The following SSBP2 variants were observed in gnomAD, a reference collection of about 807,000 sequenced individuals.
SSBP2 encodes the protein single stranded DNA binding protein 2, also known as single-stranded DNA-binding protein 2.
A neutral mutation model predicts 61.8 loss-of-function variants in SSBP2; 17 were observed. The observed-to-expected ratio is 0.28, with a 90% CI of 0.19 to 0.41. The LOEUF is 0.41. Among genes scored for constraint, SSBP2 ranks in the 10% least tolerant of loss-of-function variants. SSBP2 has a pLI of 1.00. For missense variants in SSBP2, 310 were observed against 458.7 expected, an observed-to-expected ratio of 0.68 and a Z score of 2.96; for synonymous variants, 139 against 141.3, an observed-to-expected ratio of 0.98 and a Z score of 0.12.
intron 5 of SSBP2, among the ~76,000 whole-genome samples, chr5:81,499,447 C>G (rs1006421136): frequency 9.9e-5 from 15 of 152,160 alleles, no homozygotes; most frequent in African/African-American, 3.6e-4. Context: ...TGTGTAGCAA[C>G]AGACAGTGGG....
intron 9 of SSBP2, among the ~76,000 whole-genome samples, chr5:81,464,588 T>A (rs553716592): frequency 3.5e-4 from 54 of 152,252 alleles, no homozygotes; most frequent in African/African-American, 1.2e-3. Context: ...TAGTCTTTAA[T>A]TACTTTAGTG....
At chr5:81,565,350 C>T (rs1773342027) in intron 4 of SSBP2, among the ~76,000 whole-genome samples, 1 of 151,954 alleles carries the variant, frequency 6.6e-6, no homozygotes, top group Non-Finnish European at 1.5e-5. Context: ...ACATATAGAA[C>T]ATAAAAAAAA....
At chr5:81,625,687 G>C (rs544537891) in intron 3 of SSBP2, among the ~76,000 whole-genome samples, 4 of 151,566 alleles carry the variant, frequency 2.6e-5, no homozygotes, top group Non-Finnish European at 4.4e-5. Flanking sequence ...ACCAAACACT[G>C]TATCTCCCTC....
chr5:81,557,606 T>A (rs1772705072), intron 4 of SSBP2, among the ~76,000 whole-genome samples: 1 of 152,190 alleles, frequency 6.6e-6, no homozygotes, highest in South Asian at 2.1e-4. Context: ...TCTTCAAGTT[T>A]ACTAATCTTT....
At chr5:81,571,015 A>AT (rs2153446063) in intron 4 of SSBP2, among the ~76,000 whole-genome samples, 1 of 152,326 alleles carries the variant, frequency 6.6e-6, no homozygotes, top group South Asian at 2.1e-4. Flanking sequence ...AAATAAGTTC[A>AT]TTATCACATG....
At chr5:81,434,379 C>T (rs7725131) in intron 15 of SSBP2, among the ~76,000 whole-genome samples, 48,364 of 151,506 alleles carry the variant, frequency 0.32, 8,258 homozygotes, top group African/African-American at 0.42. Context: ...AGGCGATGGC[C>T]GGGCGCAGTG....
Position 81,634,280 on chromosome 5 carries a change from G to C in SSBP2, c.197+2277C>G, listed in dbSNP as rs553907188. On this transcript the variant is annotated intron_variant, in intron 3 of 16. Coordinates refer to ENST00000320672, the MANE Select transcript of SSBP2 (RefSeq NM_012446.5). ...AGACAGTTCTTTTCCATTGATCCCA[G>C]GTCTTCAGATAAACTCAACCAATTG... 7.2e-5 allele frequency among the ~76,000 whole-genome samples: 11 copies of C among 152,208 alleles called. No homozygotes were observed. In the South Asian group the frequency reaches 1.2e-3, roughly 17 times the overall value.
At chr5:81,542,171 G>A (rs539766945) in intron 4 of SSBP2, among the ~76,000 whole-genome samples, 21 of 152,124 alleles carry the variant, frequency 1.4e-4, no homozygotes, top group Non-Finnish European at 2.6e-4. Flanking sequence ...AAAATGCTCC[G>A]CATCACTAAT....
At chr5:81,587,592 T>C (rs1292180780) in intron 4 of SSBP2, among the ~76,000 whole-genome samples, 1 of 152,058 alleles carries the variant, frequency 6.6e-6, no homozygotes, top group Non-Finnish European at 1.5e-5. Flanking sequence ...TAGCCAAATG[T>C]GTTGGTATAT....
chr5:81,599,224 G>T (rs1301370712), intron 4 of SSBP2, among the ~76,000 whole-genome samples: 1 of 152,120 alleles, frequency 6.6e-6, no homozygotes, highest in African/African-American at 2.4e-5. Flanking sequence ...GTAAGCTAAG[G>T]ATGTTAACCA....
intron 8 of SSBP2, among the ~76,000 whole-genome samples, chr5:81,471,904 T>C (rs961680804): frequency 2.0e-5 from 3 of 151,952 alleles, no homozygotes; most frequent in African/African-American, 4.8e-5. Context: ...TCAATATACA[T>C]AGTTATATGT....
intron 8 of SSBP2, among the ~76,000 whole-genome samples, chr5:81,471,337 ATT>A (rs1765231506): frequency 6.6e-6 from 1 of 151,854 alleles, no homozygotes; most frequent in Non-Finnish European, 1.5e-5. Context: ...CTTAAATCAG[ATT>A]CTAGTTTTTG....
intron 10 of SSBP2, among the ~76,000 whole-genome samples, chr5:81,454,864 C>A (rs1351544879): frequency 1.3e-5 from 2 of 152,014 alleles, no homozygotes; most frequent in Non-Finnish European, 2.9e-5. Flanking sequence ...AAATTTGAAT[C>A]TAATGGTCTC....
At chr5:81,576,795 T>A (rs1774248290) in intron 4 of SSBP2, among the ~76,000 whole-genome samples, 1 of 152,200 alleles carries the variant, frequency 6.6e-6, no homozygotes, top group South Asian at 2.1e-4. Context: ...TTTCAGAGAG[T>A]TCATCAAGTG....
At chr5:81,444,216 C>A (rs1457217470) in intron 12 of SSBP2, among the ~76,000 whole-genome samples, 1 of 152,166 alleles carries the variant, frequency 6.6e-6, no homozygotes, top group Non-Finnish European at 1.5e-5. Context: ...ACTTTTGTGA[C>A]CTTAACTGTT....
intron 16 of SSBP2, among the ~76,000 whole-genome samples, chr5:81,427,459 A>T (rs1762025460): frequency 1.3e-5 from 2 of 152,184 alleles, no homozygotes; most frequent in Non-Finnish European, 2.9e-5. Flanking sequence ...TGTCCCCTGC[A>T]AAGGTCCCAT....
At chr5:81,676,656 C>T (rs369501885) in intron 1 of SSBP2, among the ~76,000 whole-genome samples, 1 of 152,108 alleles carries the variant, frequency 6.6e-6, no homozygotes, top group Non-Finnish European at 1.5e-5. Context: ...ATTTCTTAAC[C>T]GTGAAGCCTT....
chr5:81,610,764 T>A (rs2917544), intron 4 of SSBP2, among the ~76,000 whole-genome samples: 34 of 152,152 alleles, frequency 2.2e-4, no homozygotes, highest in African/African-American at 6.7e-4. Context: ...GAGGCTGAGG[T>A]GGGCAGATCA....
In SSBP2 at chr5:81,419,104, G is replaced by T. The variant is rs773426968; in HGVS notation, c.*1400C>A. The T allele has an allele frequency of 6.6e-6, 1 of 152,174 alleles. No individual in the cohort carries two copies. Among genetic ancestry groups the T allele is most frequent in the Non-Finnish European group, 1.5e-5 (1 of 68,032 alleles). 9.4% of individuals were successfully genotyped at this position (152,174 alleles called of 1,614,324 possible). A position where few individuals can be genotyped will look rare whatever the true frequency, so the allele number is the denominator to read the frequency against. ...TATAATTAAGCACAAAATCCCAAAA[G>T]ATCTGGAAAGTGCCATAGAGCAAGG... is the stretch of plus-strand genomic sequence containing the variant. On this transcript the variant is annotated 3_prime_UTR_variant, in exon 17 of 17. Coordinates refer to ENST00000320672, the MANE Select transcript of SSBP2 (RefSeq NM_012446.5).
Sources: allele counts gnomAD v4.1 joint callset (sites outside exome capture counted in the v4.1 genomes callset), GRCh38; gene constraint gnomAD v4.1.1; transcripts MANE v1.5; gene names NCBI Gene and HGNC (gene_info 2026-07-23, HGNC 2026-07-21).